Variants in PLD1 observed in about 807,000 individuals in gnomAD.
PLD1 encodes the protein phospholipase D1.
Under a neutral mutation model 137.1 loss-of-function variants are expected in PLD1, and 112 were observed. That is an observed-to-expected ratio of 0.82 (90% CI 0.70 to 0.96). The LOEUF is 0.96. Among genes scored for constraint, PLD1 ranks in the 40% least tolerant of loss-of-function variants. PLD1 has a pLI of 0.00. For missense variants in PLD1, 1,321 were observed against 1,342.0 expected, an observed-to-expected ratio of 0.98 and a Z score of 0.24; for synonymous variants, 431 against 454.7, an observed-to-expected ratio of 0.95 and a Z score of 0.66.
chr3:171,773,760 T>C (rs1183206270), intron 1 of PLD1, among the ~76,000 whole-genome samples: 1 of 152,028 alleles, frequency 6.6e-6, no homozygotes, highest in Admixed American at 6.5e-5. Context: ...TGTTTGTTTG[T>C]TTGTTTGAGA....
chr3:171,638,391 CTGTGACATCATTTGGT>C (rs1560168650), intron 23 of PLD1, among the ~76,000 whole-genome samples: 2 of 152,162 alleles, frequency 1.3e-5, no homozygotes, highest in African/African-American at 4.8e-5. Context: ...ATGGGTATGA[CTGTGACATCATTTGGT>C]GATAGGAATT....
chr3:171,773,830 C>G (rs1021110434), intron 1 of PLD1, among the ~76,000 whole-genome samples: 4 of 151,960 alleles, frequency 2.6e-5, no homozygotes, highest in African/African-American at 7.2e-5. Flanking sequence ...CTCACTGCAA[C>G]CTCCGCCTCC....
chr3:171,764,827 G>A (rs13084764), intron 1 of PLD1, among the ~76,000 whole-genome samples: 50,725 of 62,880 alleles, frequency 0.81, 19,951 homozygotes, highest in Middle Eastern at 0.85. Context: ...GAAAGAAAGA[G>A]AAAGAAAGAA....
At chr3:171,619,459 T>C (rs1733405203) in intron 24 of PLD1, among the ~76,000 whole-genome samples, 1 of 152,180 alleles carries the variant, frequency 6.6e-6, no homozygotes, top group Non-Finnish European at 1.5e-5. Context: ...TGACAAGAAA[T>C]GACTGCAGAC....
chr3:171,660,532 T>C (rs543271533), intron 20 of PLD1, among the ~76,000 whole-genome samples: 1 of 152,372 alleles, frequency 6.6e-6, no homozygotes, highest in Admixed American at 6.5e-5. Flanking sequence ...CAACTATGTA[T>C]ACCTACATGG....
At chr3:171,762,037 C>T (rs1721432847) in intron 1 of PLD1, among the ~76,000 whole-genome samples, 1 of 152,214 alleles carries the variant, frequency 6.6e-6, no homozygotes, top group Admixed American at 6.5e-5. Flanking sequence ...TTACTGTGAA[C>T]TTTATCATTC....
chr3:171,705,663 C>T (rs959123110), intron 11 of PLD1, among the ~76,000 whole-genome samples: 1 of 152,162 alleles, frequency 6.6e-6, no homozygotes, highest in East Asian at 1.9e-4. Flanking sequence ...TAATAAAACA[C>T]TACTGTATAC....
chr3:171,794,152 A>AAG (rs1298063515), intron 1 of PLD1, among the ~76,000 whole-genome samples: 16 of 152,052 alleles, frequency 1.1e-4, no homozygotes, highest in Non-Finnish European at 2.4e-4. Context: ...CTCAAAAAAA[A>AAG]AAAAAGAAAA....
chr3:171,605,337 C>A lies in PLD1; in HGVS notation c.2962G>T (p.Val988Phe), dbSNP rs878865070. 2.5e-6 allele frequency: 4 copies of A among 1,613,288 alleles called. No individual in the cohort carries two copies. The South Asian group carries it at 4.4e-5, about 18-fold the overall frequency. ...GTAGCATTTCGAGCTGCTGTTGAAA[C>A]CCACACCTCCTTGAAGAATTTGTCA... is the stretch of plus-strand genomic sequence containing the variant. ...VSDKFFKEVW[V>F]STAARNATIY... The change falls in exon 26 of 27, where the codon GTT becomes TTT. Residue 988 changes from valine (V) to phenylalanine (F), a missense_variant. By Grantham distance (50) the Val-to-Phe change is conservative. Coordinates refer to ENST00000351298, the MANE Select transcript of PLD1 (RefSeq NM_002662.5).
chr3:171,770,982 G>A (rs1372188834), intron 1 of PLD1, among the ~76,000 whole-genome samples: 2 of 149,782 alleles, frequency 1.3e-5, no homozygotes, highest in Non-Finnish European at 1.5e-5. Context: ...ATACTAATAT[G>A]TCATTTCCAC....
intron 18 of PLD1, among the ~76,000 whole-genome samples, chr3:171,675,291 T>C (rs902745021): frequency 7.9e-5 from 12 of 152,232 alleles, no homozygotes; most frequent in African/African-American, 2.9e-4. Flanking sequence ...TGGGATATCA[T>C]TATTTTTAAT....
At chr3:171,710,474 G>T (rs143970674) in intron 9 of PLD1, among the ~76,000 whole-genome samples, 3 of 152,148 alleles carry the variant, frequency 2.0e-5, no homozygotes, top group Non-Finnish European at 2.9e-5. Context: ...CGTGAGGAGC[G>T]CGCAGCCGAG....
At chr3:171,719,154 AT>A (rs1051859551) in intron 8 of PLD1, among the ~76,000 whole-genome samples, 72 of 152,166 alleles carry the variant, frequency 4.7e-4, no homozygotes, top group African/African-American at 1.7e-3. Context: ...AGGCAATTCC[AT>A]GGATGGTCTC....
intron 1 of PLD1, among the ~76,000 whole-genome samples, chr3:171,760,283 A>G (rs1721307959): frequency 6.6e-6 from 1 of 152,172 alleles, no homozygotes; most frequent in African/African-American, 2.4e-5. Flanking sequence ...AATGCCTTCA[A>G]TTACACATTC....
chr3:171,666,068 T>C (rs954306776), intron 19 of PLD1, among the ~76,000 whole-genome samples: 3 of 152,234 alleles, frequency 2.0e-5, no homozygotes, highest in Admixed American at 6.5e-5. Flanking sequence ...GCCTAGACCA[T>C]TGAACTACAG....
chr3:171,806,976 A>C (rs1209749744), intron 1 of PLD1, among the ~76,000 whole-genome samples: 2 of 152,222 alleles, frequency 1.3e-5, no homozygotes, highest in Non-Finnish European at 2.9e-5. Context: ...GATTTGTTAA[A>C]CAGTCTGGCT....
chr3:171,685,993 C>A (rs1305457076), intron 16 of PLD1, among the ~76,000 whole-genome samples: 1 of 152,030 alleles, frequency 6.6e-6, no homozygotes, highest in Admixed American at 6.6e-5. Flanking sequence ...GTCATGCACG[C>A]CTATAATCCC....
Position 171,602,790 on chromosome 3 carries a change from G to T in PLD1, c.*288C>A. 1 of 356,950 alleles carries T rather than the reference G, an allele frequency of 2.8e-6. No homozygotes were observed. The highest frequency in any genetic ancestry group is 4.3e-5 in the Admixed American group (1 of 23,072). 22.1% of individuals were successfully genotyped at this position (356,950 alleles called of 1,614,324 possible). On this transcript the variant is annotated 3_prime_UTR_variant, in exon 27 of 27. Coordinates refer to ENST00000351298, the MANE Select transcript of PLD1 (RefSeq NM_002662.5). ...GGTAAATTCTTGTTACAAAGGAAAT[G>T]GATTTTGGTATACGGAATTTGAATA...
intron 1 of PLD1, among the ~76,000 whole-genome samples, chr3:171,788,375 G>A (rs1422801345): frequency 6.7e-6 from 1 of 149,920 alleles, no homozygotes; most frequent in Non-Finnish European, 1.5e-5. Flanking sequence ...AACCAAGCCA[G>A]GTTCACAAGG....
Sources: allele counts gnomAD v4.1 joint callset (sites outside exome capture counted in the v4.1 genomes callset), GRCh38; gene constraint gnomAD v4.1.1; transcripts MANE v1.5; gene names NCBI Gene and HGNC (gene_info 2026-07-23, HGNC 2026-07-21).